Variants in TEX9 observed in about 807,000 individuals in gnomAD.
TEX9 encodes testis expressed 9.
Under a neutral mutation model 59.6 loss-of-function variants are expected in TEX9, and 74 were observed. The observed-to-expected ratio is 1.24, with a 90% CI of 1.03 to 1.51. TEX9 has a LOEUF of 1.51. Among genes scored for constraint, TEX9 ranks in the 40% most tolerant of loss-of-function variants. The pLI is 0.00. For missense variants in TEX9, 522 were observed against 447.8 expected (o/e 1.17, Z -1.49); for synonymous variants, 186 against 152.2 (o/e 1.22, Z -1.64).
chr15:56,316,047 T>G (rs1192584882), intron 1 of TEX9, among the ~76,000 whole-genome samples: 2 of 149,978 alleles, frequency 1.3e-5, no homozygotes, highest in African/African-American at 4.8e-5. Context: ...TAGTTATACC[T>G]TCTTCTAAAT....
downstream of TEX9, among the ~76,000 whole-genome samples, chr15:56,448,636 T>C (rs1310866168): frequency 6.6e-6 from 1 of 152,208 alleles, no homozygotes. Context: ...AATTTCCCAC[T>C]GGTGGGCACC....
At chr15:56,287,268 T>C (rs1262427971) in intron 1 of TEX9, among the ~76,000 whole-genome samples, 2 of 152,180 alleles carry the variant, frequency 1.3e-5, no homozygotes, top group Non-Finnish European at 2.9e-5. Context: ...CCCCACTTTT[T>C]ATGGGATCTG....
chr15:56,439,773 AC>A (rs1367146379), intron 12 of TEX9, among the ~76,000 whole-genome samples: 2 of 151,450 alleles, frequency 1.3e-5, no homozygotes, highest in Non-Finnish European at 3.0e-5. Context: ...ACCCAAAAAA[AC>A]AAAACACACA....
rs74017500 is a variant in TEX9, at chr15:56,252,745, G to A, written c.-107+8467G>A. Among the ~76,000 whole-genome samples the A allele has an allele frequency of 9.9e-3, 1,513 of 152,138 alleles. 36 individuals carry two copies. The highest frequency in any genetic ancestry group is 0.034 in the African/African-American group (1,421 of 41,504). On this transcript the variant is annotated intron_variant, in intron 1 of 5. Coordinates refer to the TEX9 transcript ENST00000560827. ...AGGCTGACCCTCATGGAGATCCCCC[G>A]GGCTTCCAAATTTAGAGTCTAGGAT...
At chr15:56,309,469 G>A (rs189911720) in intron 1 of TEX9, among the ~76,000 whole-genome samples, 16 of 152,098 alleles carry the variant, frequency 1.1e-4, no homozygotes, top group Non-Finnish European at 1.8e-4. Context: ...CTAGTATTTC[G>A]TTGATGGTTG....
At chr15:56,282,142 A>G (rs2044834174) in intron 1 of TEX9, among the ~76,000 whole-genome samples, 1 of 152,210 alleles carries the variant, frequency 6.6e-6, no homozygotes, top group South Asian at 2.1e-4. Flanking sequence ...ATCCACCAGA[A>G]CAGAAGGGAT....
intron 1 of TEX9, among the ~76,000 whole-genome samples, chr15:56,329,430 C>T (rs142577619): frequency 1.3e-5 from 2 of 152,150 alleles, no homozygotes; most frequent in East Asian, 3.9e-4. Context: ...TGACACCAAA[C>T]GAACTAAATG....
In TEX9 at chr15:56,367,355, A is replaced by G. The variant is rs1394729417; in HGVS notation, c.119+1685A>G. ...CCATCCCTGTAAGCAAGAATATGAAATTATAACAGTATGGTATCTGTTTTG... is the reference window on the plus strand; with the variant it reads ...CCATCCCTGTAAGCAAGAATATGAAGTTATAACAGTATGGTATCTGTTTTG... On this transcript the variant is annotated intron_variant, in intron 2 of 12. Coordinates refer to ENST00000352903, the Ensembl canonical transcript of TEX9. 2.0e-5 allele frequency among the ~76,000 whole-genome samples: 3 copies of G among 152,220 alleles called. No individual in the cohort carries two copies. The East Asian group carries it at 5.8e-4, about 29-fold the overall frequency.
At chr15:56,439,014 G>T (rs2050775530) in intron 12 of TEX9, among the ~76,000 whole-genome samples, 1 of 152,028 alleles carries the variant, frequency 6.6e-6, no homozygotes, top group African/African-American at 2.4e-5. Context: ...GGAAGAAACA[G>T]CCTGTAGCTC....
At chr15:56,260,152 GT>G (rs2044231055) in intron 1 of TEX9, among the ~76,000 whole-genome samples, 2 of 151,930 alleles carry the variant, frequency 1.3e-5, no homozygotes, top group African/African-American at 2.4e-5. Context: ...ATTATTTTGG[GT>G]TTTTCTATAT....
intron 1 of TEX9, among the ~76,000 whole-genome samples, chr15:56,332,799 A>C (rs1381173040): frequency 2.6e-5 from 4 of 152,158 alleles, no homozygotes; most frequent in South Asian, 4.1e-4. Flanking sequence ...AAAAAGGGAG[A>C]AGATCTAAAT....
At chr15:56,459,915 G>A in the TEX9 span, among the ~76,000 whole-genome samples, 8 of 145,852 alleles carry the variant, frequency 5.5e-5, no homozygotes, top group African/African-American at 1.0e-4. Flanking sequence ...ACTTGAACCC[G>A]GGAGGCAGAG....
At chr15:56,283,431 G>A (rs1438715977) in intron 1 of TEX9, among the ~76,000 whole-genome samples, 1 of 151,756 alleles carries the variant, frequency 6.6e-6, no homozygotes, top group Non-Finnish European at 1.5e-5. Context: ...TATACCTTTT[G>A]GTGCAAGATA....
chr15:56,448,064 G>C (rs888653694), downstream of TEX9, among the ~76,000 whole-genome samples: 2 of 152,114 alleles, frequency 1.3e-5, no homozygotes, highest in Non-Finnish European at 2.9e-5. Flanking sequence ...AGACATTTGA[G>C]TTGTTTCAGG....
intron 1 of TEX9, among the ~76,000 whole-genome samples, chr15:56,327,555 T>C (rs1305120133): frequency 6.6e-6 from 1 of 152,128 alleles, no homozygotes. Context: ...AAGCGAGTAC[T>C]AACAATACCT....
At chr15:56,254,606 A>G (rs1200618016) in intron 1 of TEX9, among the ~76,000 whole-genome samples, 1 of 151,646 alleles carries the variant, frequency 6.6e-6, no homozygotes, top group Non-Finnish European at 1.5e-5. Flanking sequence ...GAGAGCTAAC[A>G]GGGATTCTTA....
At chr15:56,349,855 TG>T (rs1373868521) in intron 1 of TEX9, among the ~76,000 whole-genome samples, 1 of 152,068 alleles carries the variant, frequency 6.6e-6, no homozygotes, top group African/African-American at 2.4e-5. Flanking sequence ...GCAAATAGGT[TG>T]GTCCAGTAAA....
At chr15:56,438,358 G>A (rs1293636885) in intron 12 of TEX9, among the ~76,000 whole-genome samples, 1 of 151,398 alleles carries the variant, frequency 6.6e-6, no homozygotes, top group Non-Finnish European at 1.5e-5. Flanking sequence ...AAAAAGACAG[G>A]TTTGTTACAA....
chr15:56,302,320 TACACACACACACACACAC>T (rs56766153), intron 1 of TEX9, among the ~76,000 whole-genome samples: 3 of 135,704 alleles, frequency 2.2e-5, no homozygotes, highest in Non-Finnish European at 4.7e-5. Flanking sequence ...AGACACTGTT[TACACACACACACACACAC>T]ACACACACAC....
Sources: allele counts gnomAD v4.1 joint callset (sites outside exome capture counted in the v4.1 genomes callset), GRCh38; gene constraint gnomAD v4.1.1; transcripts MANE v1.5; gene names NCBI Gene and HGNC (gene_info 2026-07-23, HGNC 2026-07-21).